Variants in BTRC observed in about 807,000 individuals in gnomAD.
BTRC encodes the protein beta-transducin repeat containing E3 ubiquitin protein ligase.
A neutral mutation model predicts 85.5 loss-of-function variants in BTRC; 42 were observed. The ratio of observed to expected loss-of-function variants is 0.49; its 90% CI spans 0.38 to 0.64. BTRC has a LOEUF of 0.64. BTRC is among the 30% of genes least tolerant of loss of function. The pLI is 0.00. For missense variants in BTRC, 594 were observed against 743.5 expected (o/e 0.80, Z 2.34); for synonymous variants, 255 against 263.3 (o/e 0.97, Z 0.30).
In BTRC at chr10:101,510,240, G is replaced by T. The variant is rs186246624; in HGVS notation, c.325-11399G>T. Among the ~76,000 whole-genome samples the T allele has an allele frequency of 9.2e-5, 14 of 152,306 alleles. No homozygotes were observed. The East Asian group carries it at 2.7e-3, about 29-fold the overall frequency. ...GTCATTATTTTTGGCCGGGTGCAGTGGCTCACGCCTGTAATCCCAGCACTT... is the reference window on the plus strand; with the variant it reads ...GTCATTATTTTTGGCCGGGTGCAGTTGCTCACGCCTGTAATCCCAGCACTT... On this transcript the variant is annotated intron_variant, in intron 4 of 14. Transcript: ENST00000370187.
chr10:101,369,512 T>C (rs375922670), intron 1 of BTRC, among the ~76,000 whole-genome samples: 6 of 152,312 alleles, frequency 3.9e-5, no homozygotes, highest in Admixed American at 2.0e-4. Context: ...TACTCCAGGC[T>C]CTTCTTATAC....
intron 2 of BTRC, among the ~76,000 whole-genome samples, chr10:101,433,353 G>T (rs1187416535): frequency 6.6e-6 from 1 of 152,188 alleles, no homozygotes; most frequent in Non-Finnish European, 1.5e-5. Flanking sequence ...GGAAGGGAAT[G>T]TTCAAGGAGC....
chr10:101,358,381 G>A (rs1013334351), intron 1 of BTRC, among the ~76,000 whole-genome samples: 3 of 152,258 alleles, frequency 2.0e-5, no homozygotes, highest in South Asian at 4.1e-4. Context: ...GGGATTACAG[G>A]CGTGAGCCAC....
intron 2 of BTRC, among the ~76,000 whole-genome samples, chr10:101,434,805 C>T (rs550815214): frequency 2.1e-4 from 31 of 150,446 alleles, no homozygotes; most frequent in African/African-American, 6.6e-4. Context: ...CTACTAAAAA[C>T]GCAAATTTAG....
intron 1 of BTRC, among the ~76,000 whole-genome samples, chr10:101,366,842 A>T (rs1156502276): frequency 8.9e-5 from 3 of 33,800 alleles, no homozygotes; most frequent in Admixed American, 1.1e-3. Flanking sequence ...ATATATATTT[A>T]TGTATATTAA....
intron 4 of BTRC, among the ~76,000 whole-genome samples, chr10:101,518,411 C>T (rs533193105): frequency 6.6e-4 from 100 of 152,276 alleles, no homozygotes; most frequent in South Asian, 4.6e-3. Flanking sequence ...TACATGGTAG[C>T]TCAGCGCTCT....
intron 4 of BTRC, among the ~76,000 whole-genome samples, chr10:101,514,046 A>G (rs1023819756): frequency 1.3e-5 from 2 of 152,184 alleles, no homozygotes; most frequent in Non-Finnish European, 2.9e-5. Flanking sequence ...ATCTTTTCAT[A>G]TGCTTATTGG....
At chr10:101,496,811 A>G (rs1946273688) in intron 4 of BTRC, among the ~76,000 whole-genome samples, 1 of 152,080 alleles carries the variant, frequency 6.6e-6, no homozygotes, top group Non-Finnish European at 1.5e-5. Flanking sequence ...AAAGATTTAT[A>G]AGAGTTCTTT....
chr10:101,540,600 A>G (rs2062451709), intron 13 of BTRC, among the ~76,000 whole-genome samples: 1 of 152,000 alleles, frequency 6.6e-6, no homozygotes, highest in Admixed American at 6.6e-5. Flanking sequence ...TTGATTTTTC[A>G]TGTTAATTTT....
intron 1 of BTRC, among the ~76,000 whole-genome samples, chr10:101,391,982 T>C (rs1943246216): frequency 6.6e-6 from 1 of 152,120 alleles, no homozygotes; most frequent in Non-Finnish European, 1.5e-5. Flanking sequence ...AACTAACTAA[T>C]ATTCTTTTTT....
At chr10:101,488,759 A>G (rs1163679470) in intron 4 of BTRC, among the ~76,000 whole-genome samples, 1 of 152,166 alleles carries the variant, frequency 6.6e-6, no homozygotes, top group Non-Finnish European at 1.5e-5. Flanking sequence ...TCTTGATACT[A>G]ATAATTAGGC....
chr10:101,462,948 A>G (rs1169721986), intron 3 of BTRC, among the ~76,000 whole-genome samples: 1 of 151,030 alleles, frequency 6.6e-6, no homozygotes, highest in Non-Finnish European at 1.5e-5. Flanking sequence ...GCTCACTGCA[A>G]CCTCTGCCTT....
chr10:101,480,531 G>C (rs553606430), intron 4 of BTRC, among the ~76,000 whole-genome samples: 28 of 152,316 alleles, frequency 1.8e-4, no homozygotes, highest in Admixed American at 1.8e-3. Context: ...TGATAGAAGA[G>C]ACTAGCTAGA....
intron 4 of BTRC, among the ~76,000 whole-genome samples, chr10:101,493,313 T>G (rs956217349): frequency 1.3e-5 from 2 of 152,232 alleles, no homozygotes; most frequent in African/African-American, 4.8e-5. Flanking sequence ...TTACAGGTAT[T>G]TATTGAATGT....
chr10:101,386,771 T>C (rs1401211801), intron 1 of BTRC, among the ~76,000 whole-genome samples: 9 of 152,216 alleles, frequency 5.9e-5, no homozygotes. Flanking sequence ...GTTTAGCTTG[T>C]GTTTCTTCTA....
intron 11 of BTRC, 148 bp downstream of exon 11, chr10:101,535,620 C>T: frequency 2.0e-6 from 1 of 505,226 alleles, no homozygotes; most frequent in Non-Finnish European, 3.3e-6. Context: ...GAAGTTTGCC[C>T]CAGGCAGAGA....
At chr10:101,415,559 G>T (rs540017521) in intron 1 of BTRC, among the ~76,000 whole-genome samples, 3 of 128,516 alleles carry the variant, frequency 2.3e-5, no homozygotes, top group Admixed American at 8.7e-5. Flanking sequence ...ATGTTATTTT[G>T]AGACAGAGTT....
chr10:101,383,460 A>G (rs1185822059), intron 1 of BTRC, among the ~76,000 whole-genome samples: 4 of 150,240 alleles, frequency 2.7e-5, no homozygotes, highest in Non-Finnish European at 4.4e-5. Context: ...TGCACTTGCC[A>G]TTCGAGCAGA....
intron 2 of BTRC, among the ~76,000 whole-genome samples, chr10:101,435,017 A>T (rs1281843626): frequency 6.6e-6 from 1 of 151,918 alleles, no homozygotes; most frequent in African/African-American, 2.4e-5. Context: ...AATTTGTTCT[A>T]TGTCAGGTTC....
Sources: gnomAD v4.1 joint callset for allele counts (sites outside exome capture counted in the v4.1 genomes callset) on GRCh38, gnomAD v4.1.1 for gene constraint, MANE v1.5 for transcripts, NCBI Gene and HGNC (gene_info 2026-07-23, HGNC 2026-07-21) for gene names.